Variants in RHOJ observed in about 807,000 individuals in gnomAD.
The protein encoded by RHOJ is rho-related GTP-binding protein RhoJ.
RHOJ carries 11 observed loss-of-function variants against 23.4 expected under a neutral mutation model. The ratio of observed to expected loss-of-function variants is 0.47; its 90% CI spans 0.30 to 0.78. The LOEUF is 0.78. Among genes scored for constraint, RHOJ ranks in the 30% least tolerant of loss-of-function variants. The pLI is 0.08. For missense variants in RHOJ, 254 were observed against 273.4 expected, an observed-to-expected ratio of 0.93 and a Z score of 0.50; for synonymous variants, 102 against 102.7, an observed-to-expected ratio of 0.99 and a Z score of 0.04.
chr14:63,283,261 G>C (rs779875803), intron 4 of RHOJ, 45 bp downstream of exon 4: 1 of 1,497,642 alleles, frequency 6.7e-7, no homozygotes, highest in Admixed American at 1.7e-5. Flanking sequence ...GCTGAGAGAA[G>C]AGTGTGTTGT....
chr14:63,223,863 C>G (rs1171478850), intron 1 of RHOJ, among the ~76,000 whole-genome samples: 1 of 152,224 alleles, frequency 6.6e-6, no homozygotes, highest in African/African-American at 2.4e-5. Flanking sequence ...TTTATAGTCT[C>G]ATTTCATAGT....
intron 1 of RHOJ, among the ~76,000 whole-genome samples, chr14:63,225,173 A>C (rs867022206): frequency 1.3e-5 from 2 of 152,018 alleles, no homozygotes; most frequent in African/African-American, 4.8e-5. Flanking sequence ...GGATGGTCTC[A>C]ATCTCCTGAC....
chr14:63,251,191 G>C (rs1449198127), intron 1 of RHOJ, among the ~76,000 whole-genome samples: 1 of 152,116 alleles, frequency 6.6e-6, no homozygotes, highest in African/African-American at 2.4e-5. Flanking sequence ...TAAGCTCCCT[G>C]AAGGCAAGGA....
intron 4 of RHOJ, chr14:63,284,130 A>G (rs1055742339): frequency 1.4e-6 from 1 of 707,962 alleles, no homozygotes; most frequent in Admixed American, 6.3e-5. Flanking sequence ...CACTCTCTTC[A>G]AGCCAGTCAA....
intron 1 of RHOJ, among the ~76,000 whole-genome samples, chr14:63,222,890 A>C (rs1894524691): frequency 6.6e-6 from 1 of 152,176 alleles, no homozygotes; most frequent in Non-Finnish European, 1.5e-5. Context: ...TTAGACATGA[A>C]GTCCTTGCCC....
chr14:63,230,840 G>GATTTTTTT (rs1566611310), intron 1 of RHOJ, among the ~76,000 whole-genome samples: 1 of 96,720 alleles, frequency 1.0e-5, no homozygotes, highest in African/African-American at 6.9e-5. Flanking sequence ...AGGGTACAAG[G>GATTTTTTT]CTTTTTTTTT....
At chr14:63,274,464 G>A (rs542302920) in intron 2 of RHOJ, among the ~76,000 whole-genome samples, 66 of 152,194 alleles carry the variant, frequency 4.3e-4, no homozygotes, top group East Asian at 5.8e-4. Context: ...AGTTGCAGTT[G>A]GAGTTTGCAA....
chr14:63,225,349 G>C (rs533679710), intron 1 of RHOJ, among the ~76,000 whole-genome samples: 1 of 152,100 alleles, frequency 6.6e-6, no homozygotes, highest in Non-Finnish European at 1.5e-5. Context: ...CCAGGAGAGG[G>C]TTATATTTGC....
At chr14:63,208,816 A>C (rs1021213242) in intron 1 of RHOJ, among the ~76,000 whole-genome samples, 2 of 152,172 alleles carry the variant, frequency 1.3e-5, no homozygotes, top group Non-Finnish European at 2.9e-5. Flanking sequence ...TAGCTCCATC[A>C]TCAAAACCCT....
At chr14:63,262,466 T>C (rs1895289675) in intron 1 of RHOJ, among the ~76,000 whole-genome samples, 1 of 152,202 alleles carries the variant, frequency 6.6e-6, no homozygotes, top group South Asian at 2.1e-4. Flanking sequence ...TTTTACATAC[T>C]TAACAGGTCA....
intron 1 of RHOJ, among the ~76,000 whole-genome samples, chr14:63,207,239 C>A (rs974174417): frequency 6.6e-6 from 1 of 151,994 alleles, no homozygotes; most frequent in Non-Finnish European, 1.5e-5. Flanking sequence ...ACCATGCTGG[C>A]CAGGCTGGTC....
At chr14:63,209,177 A>G (rs1894178740) in intron 1 of RHOJ, among the ~76,000 whole-genome samples, 1 of 151,966 alleles carries the variant, frequency 6.6e-6, no homozygotes, top group African/African-American at 2.4e-5. Context: ...CCAAACTACT[A>G]TAATCAATTC....
rs960375728 is a variant in RHOJ at position 63,292,717 on chromosome 14, G to A, written c.*1693G>A. ...TAATCCCAACACTTAGGGAGGCTGA[G>A]GTGGGTGGGCCGCTTGAGCTCAGGA... On this transcript the variant is annotated 3_prime_UTR_variant, in exon 5 of 5. Coordinates refer to ENST00000316754, the MANE Select transcript of RHOJ (RefSeq NM_020663.5). 6 of 152,208 alleles carry A rather than the reference G, an allele frequency of 3.9e-5. No homozygotes were observed. Among genetic ancestry groups the A allele is most frequent in the African/African-American group, 1.4e-4 (6 of 41,422 alleles). 9.4% of individuals were successfully genotyped at this position (152,208 alleles called of 1,614,324 possible).
intron 4 of RHOJ, among the ~76,000 whole-genome samples, chr14:63,283,682 T>C (rs1279553487): frequency 1.3e-5 from 2 of 152,150 alleles, no homozygotes; most frequent in Non-Finnish European, 2.9e-5. Context: ...ATATAATGAA[T>C]AGCCACTTAG....
intron 1 of RHOJ, among the ~76,000 whole-genome samples, chr14:63,208,757 A>G (rs1482245343): frequency 6.6e-6 from 1 of 152,130 alleles, no homozygotes; most frequent in African/African-American, 2.4e-5. Flanking sequence ...GATTGTATCT[A>G]GTTTTGTAAC....
intron 1 of RHOJ, among the ~76,000 whole-genome samples, chr14:63,230,664 ACTAT>A (rs1894673969): frequency 6.6e-6 from 1 of 150,466 alleles, no homozygotes; most frequent in South Asian, 2.1e-4. Flanking sequence ...AGAATTTATC[ACTAT>A]CTAATACATT....
At chr14:63,250,393 C>G (rs948019454) in intron 1 of RHOJ, among the ~76,000 whole-genome samples, 4 of 152,108 alleles carry the variant, frequency 2.6e-5, no homozygotes, top group Non-Finnish European at 4.4e-5. Flanking sequence ...TACATGCCAC[C>G]ACGCCCTGCT....
At chr14:63,262,166 A>G (rs1895283889) in intron 1 of RHOJ, among the ~76,000 whole-genome samples, 1 of 152,238 alleles carries the variant, frequency 6.6e-6, no homozygotes, top group Admixed American at 6.5e-5. Flanking sequence ...CAGCTGAGAC[A>G]GCCAACCCAA....
intron 1 of RHOJ, among the ~76,000 whole-genome samples, chr14:63,266,214 T>C (rs1158555140): frequency 1.3e-5 from 2 of 152,220 alleles, no homozygotes; most frequent in African/African-American, 4.8e-5. Flanking sequence ...TTTCATGTGA[T>C]GCTATACTAG....
Sources: gnomAD v4.1 joint callset for allele counts (sites outside exome capture counted in the v4.1 genomes callset) on GRCh38, gnomAD v4.1.1 for gene constraint, MANE v1.5 for transcripts, NCBI Gene and HGNC (gene_info 2026-07-23, HGNC 2026-07-21) for gene names.